The following FNDC3B variants were observed in gnomAD, a reference collection of about 807,000 sequenced individuals.
The protein encoded by FNDC3B is fibronectin type III domain containing 3B.
In FNDC3B, 12 loss-of-function variants were observed where a neutral mutation model predicts 151.5. The observed-to-expected ratio is 0.08, with a 90% CI of 0.05 to 0.13. FNDC3B has a LOEUF of 0.13. Ranked by LOEUF, FNDC3B falls within the 10% of genes least tolerant of loss-of-function variation. The pLI, the probability that FNDC3B is intolerant of heterozygous loss-of-function variation, is 1.00. For missense variants in FNDC3B, 1,214 were observed against 1,505.3 expected, an observed-to-expected ratio of 0.81 and a Z score of 3.20; for synonymous variants, 528 against 549.0, an observed-to-expected ratio of 0.96 and a Z score of 0.54.
rs186660274 is a variant in FNDC3B, at chr3:172,230,489, G to A, written c.264+3542G>A. On this transcript the variant is annotated intron_variant, in intron 4 of 25. Transcript: ENST00000415807. ...ACTGCACTCCAGCCTGGGTGACAGA[G>A]TGAGACTCTGTCTCAAAAAAAAAAA... is the stretch of plus-strand genomic sequence containing the variant. Among the ~76,000 whole-genome samples the A allele has an allele frequency of 3.4e-4, 51 of 149,428 alleles. No homozygotes were observed. The East Asian group carries it at 9.2e-3, about 27-fold the overall frequency.
At chr3:172,342,947 T>A in intron 17 of FNDC3B, 64 bp from the exon 18 acceptor site, 1 of 984,030 alleles carries the variant, frequency 1.0e-6, no homozygotes. Flanking sequence ...ATTTGCCTGA[T>A]ATGTAGAGGT....
At chr3:172,214,747 T>A (rs952401803) in intron 3 of FNDC3B, among the ~76,000 whole-genome samples, 25 of 152,258 alleles carry the variant, frequency 1.6e-4, no homozygotes, top group Non-Finnish European at 2.9e-5. Context: ...CTTTGGATTT[T>A]AAGTGCATGA....
intron 9 of FNDC3B, among the ~76,000 whole-genome samples, 155 bp downstream of exon 9, chr3:172,298,942 C>T (rs1255501933): frequency 3.3e-5 from 5 of 152,152 alleles, no homozygotes; most frequent in Non-Finnish European, 7.3e-5. Context: ...TCAAGAGCAT[C>T]GTAACTGGGA....
At chr3:172,120,722 C>T (rs775158441) in intron 2 of FNDC3B, among the ~76,000 whole-genome samples, 1 of 151,944 alleles carries the variant, frequency 6.6e-6, no homozygotes, top group Admixed American at 6.6e-5. Context: ...GCCTGTAATC[C>T]CAGCACTTTT....
At chr3:172,151,264 G>T (rs1722206233) in intron 3 of FNDC3B, among the ~76,000 whole-genome samples, 1 of 152,158 alleles carries the variant, frequency 6.6e-6, no homozygotes, top group South Asian at 2.1e-4. Context: ...GTTCTGCTTT[G>T]TCTAACCTTT....
chr3:172,299,967 TTAAAG>T (rs1225483279), intron 9 of FNDC3B, among the ~76,000 whole-genome samples: 6 of 152,370 alleles, frequency 3.9e-5, no homozygotes, highest in South Asian at 4.1e-4. Context: ...AAAAATAAGT[TTAAAG>T]TAATGTATAT....
chr3:172,165,504 A>G (rs762374517), intron 3 of FNDC3B, among the ~76,000 whole-genome samples: 1 of 152,176 alleles, frequency 6.6e-6, no homozygotes, highest in African/African-American at 2.4e-5. Flanking sequence ...GTGTGATTGA[A>G]TATGTTTTAT....
intron 23 of FNDC3B, among the ~76,000 whole-genome samples, chr3:172,378,026 G>C (rs1289994449): frequency 1.3e-5 from 2 of 152,114 alleles, no homozygotes; most frequent in Non-Finnish European, 2.9e-5. Context: ...CTAGAATCTA[G>C]ATCCTAATTA....
chr3:172,397,039 A>T (rs961706216), intron 25 of FNDC3B, 125 bp from the exon 26 acceptor site: 1 of 696,738 alleles, frequency 1.4e-6, no homozygotes, highest in East Asian at 2.8e-5. Flanking sequence ...TTTTTATATC[A>T]TCTTTGTTAT....
At chr3:172,140,762 G>A (rs778024105) in intron 3 of FNDC3B, among the ~76,000 whole-genome samples, 6 of 152,218 alleles carry the variant, frequency 3.9e-5, no homozygotes, top group Non-Finnish European at 5.9e-5. Flanking sequence ...GCTTTCCTAG[G>A]AGGTTTTAAG....
intron 11 of FNDC3B, among the ~76,000 whole-genome samples, chr3:172,328,422 G>C (rs1339384521): frequency 1.3e-5 from 2 of 152,234 alleles, no homozygotes; most frequent in African/African-American, 4.8e-5. Context: ...TGAAGGTATT[G>C]GAGGCCACTG....
At chr3:172,198,710 C>T (rs1025749124) in intron 3 of FNDC3B, among the ~76,000 whole-genome samples, 1 of 152,152 alleles carries the variant, frequency 6.6e-6, no homozygotes, top group African/African-American at 2.4e-5. Context: ...TGCGCTGTTC[C>T]CACATCTAGA....
chr3:172,177,889 C>T (rs1457249559), intron 3 of FNDC3B, among the ~76,000 whole-genome samples: 2 of 151,848 alleles, frequency 1.3e-5, no homozygotes, highest in Non-Finnish European at 2.9e-5. Context: ...TGTGTTGTTC[C>T]CCTCCCTGTG....
At chr3:172,201,200 A>G (rs1477473862) in intron 3 of FNDC3B, among the ~76,000 whole-genome samples, 3 of 152,140 alleles carry the variant, frequency 2.0e-5, no homozygotes, top group African/African-American at 7.2e-5. Context: ...TAGCGCTTCC[A>G]TTGGAAACCT....
intron 3 of FNDC3B, among the ~76,000 whole-genome samples, chr3:172,166,020 T>TTTTTTTTTTTTTTTTTGAGACGGA (rs1559997024): frequency 1.3e-5 from 2 of 152,330 alleles, no homozygotes; most frequent in African/African-American, 4.8e-5. Flanking sequence ...TAATCTTTTA[T>TTTTTTTTTTTTTTTTTGAGACGGA]GCATGAAGGG....
In FNDC3B at chr3:172,181,406, AAAAAAAAAC is replaced by A. The variant is rs1179457912; in HGVS notation, c.188-45456_188-45448del. On this transcript the variant is annotated intron_variant, in intron 3 of 25. Transcript: ENST00000415807. ...TGAGACTCTGTCTCCAAAAAAAAAA[AAAAAAAAAC>A]AAAAAAAAACACCTTTAGAATTTAC... is the stretch of plus-strand genomic sequence containing the variant. 2.3e-4 allele frequency among the ~76,000 whole-genome samples: 33 copies of A among 144,640 alleles called. 1 individual carries two copies. The highest frequency in any genetic ancestry group is 1.2e-3 in the Admixed American group (17 of 13,894). 94.9% of individuals were successfully genotyped at this position (144,640 alleles called of 152,430 possible).
In FNDC3B at chr3:172,318,263, G is replaced by A. The variant is rs181155881; in HGVS notation, c.1254+7382G>A. ...AGCAGCCGGTAGAACCCATGCCCCT[G>A]GGGAGCCATTAGCAGGTCAGGCCAG... On this transcript the variant is annotated intron_variant, in intron 11 of 25. Coordinates refer to ENST00000415807, the MANE Select transcript of FNDC3B (RefSeq NM_022763.4). Among the ~76,000 whole-genome samples, 465 of 152,334 alleles carry A rather than the reference G, an allele frequency of 3.1e-3. 8 individuals are homozygous for A. The highest frequency in any genetic ancestry group is 0.029 in the Admixed American group (442 of 15,302).
At chr3:172,185,677 C>T (rs1412180609) in intron 3 of FNDC3B, among the ~76,000 whole-genome samples, 2 of 152,090 alleles carry the variant, frequency 1.3e-5, no homozygotes, top group African/African-American at 2.4e-5. Context: ...CTTTATTTAG[C>T]GTACGTTTAT....
rs142006910 is a variant in FNDC3B at position 172,378,398 on chromosome 3, C to A, written c.3137C>A (p.Thr1046Asn). 28 of 1,613,618 alleles carry A rather than the reference C, an allele frequency of 1.7e-5. No homozygotes were observed. The African/African-American group carries it at 3.1e-4, about 18-fold the overall frequency. The change falls in exon 24 of 26, where the codon ACC becomes AAC. Residue 1046 changes from threonine (T) to asparagine (N), a missense_variant. Coordinates refer to ENST00000415807, the MANE Select transcript of FNDC3B (RefSeq NM_022763.4). The stretch of plus-strand genomic sequence containing the variant: ...GAAGGGCCCTTCTCAGAAACCTATA[C>A]CTTCAGCACAACCAAAAGTGTCCCC... ...AGEGPFSETYTFSTTKSVPPT... is the reference protein window; with the variant it reads ...AGEGPFSETYNFSTTKSVPPT...
Sources: allele counts gnomAD v4.1 joint callset (sites outside exome capture counted in the v4.1 genomes callset), GRCh38; gene constraint gnomAD v4.1.1; transcripts MANE v1.5; gene names NCBI Gene and HGNC (gene_info 2026-07-23, HGNC 2026-07-21).